CLEC20A: variants seen among roughly 807,000 people sequenced by gnomAD.
The protein encoded by CLEC20A is putative C-type lectin domain family 20 member A.
At chr1:178,482,079 AAACAAAAAAAC>A in intron 7 of CLEC20A, 1 of 360,552 alleles carries the variant, frequency 2.8e-6, no homozygotes, top group Non-Finnish European at 4.8e-6. Context: ...AAAAACAAAA[AAACAAAAAAAC>A]AACAAAAAAA....
chr1:178,498,576 C>T (rs1328609636), upstream of CLEC20A, among the ~76,000 whole-genome samples: 2 of 151,966 alleles, frequency 1.3e-5, no homozygotes, highest in East Asian at 1.9e-4. Context: ...GGAGACAGGG[C>T]GAGACCCTGT....
At chr1:178,494,918 C>T in intron 1 of CLEC20A, 108 bp from the exon 2 acceptor site, 1 of 398,240 alleles carries the variant, frequency 2.5e-6, no homozygotes, top group Non-Finnish European at 4.4e-6. Context: ...TTCCCGCCCA[C>T]TCTGCACTTC....
exon 8 of CLEC20A, chr1:178,479,558 T>G: frequency 1.5e-5 from 6 of 398,556 alleles, no homozygotes; most frequent in Middle Eastern, 1.3e-3. Context: ...ACTTCGAAGC[T>G]GACCCATTTC....
intron 1 of CLEC20A, among the ~76,000 whole-genome samples, chr1:178,495,585 G>A (rs953400076): frequency 1.3e-5 from 2 of 152,106 alleles, no homozygotes; most frequent in Admixed American, 6.5e-5. Flanking sequence ...TAGGAGCAAA[G>A]AACGAGCCTC....
upstream of CLEC20A, among the ~76,000 whole-genome samples, chr1:178,498,526 G>C (rs1284114643): frequency 6.6e-6 from 1 of 152,170 alleles, no homozygotes; most frequent in Non-Finnish European, 1.5e-5. Flanking sequence ...GGAGGTTAAG[G>C]CTGCAGTGAG....
At chr1:178,489,672 G>C (rs1206846062) in intron 4 of CLEC20A, among the ~76,000 whole-genome samples, 1 of 152,174 alleles carries the variant, frequency 6.6e-6, no homozygotes, top group African/African-American at 2.4e-5. Context: ...CATCCTATGA[G>C]ATGGGTGCCA....
At chr1:178,497,310 C>A (rs1287220139), upstream of CLEC20A, 3 of 230,350 alleles carry the variant, frequency 1.3e-5, no homozygotes, top group African/African-American at 6.7e-5. Flanking sequence ...GGAACTAGAA[C>A]CCCTTTTCGC....
At chr1:178,481,940 T>TATC (rs10651829) in intron 7 of CLEC20A, 10,099 of 170,426 alleles carry the variant, frequency 0.059, 1,046 homozygotes, top group African/African-American at 0.22. Flanking sequence ...GCATTATTAT[T>TATC]ATCATTCTTA....
intron 3 of CLEC20A, among the ~76,000 whole-genome samples, chr1:178,492,146 A>G (rs1042866950): frequency 3.3e-5 from 5 of 152,156 alleles, no homozygotes; most frequent in East Asian, 1.9e-4. Flanking sequence ...TTAGCTGGGC[A>G]TGGTGGCATG....
At chr1:178,497,718 C>G (rs1190003239), upstream of CLEC20A, among the ~76,000 whole-genome samples, 1 of 152,166 alleles carries the variant, frequency 6.6e-6, no homozygotes, top group Non-Finnish European at 1.5e-5. Flanking sequence ...TGCCTTTCCT[C>G]CAATTAATCT....
intron 5 of CLEC20A, chr1:178,486,515 TC>T (rs968542771): frequency 2.5e-6 from 1 of 398,664 alleles, no homozygotes; most frequent in African/African-American, 2.1e-5. Flanking sequence ...GGTGCAGTTG[TC>T]CTCTGGGTCA....
chr1:178,497,180 T>A, upstream of CLEC20A: 2 of 389,788 alleles, frequency 5.1e-6, no homozygotes, highest in Non-Finnish European at 9.0e-6. Flanking sequence ...GCGGAAGAGA[T>A]CCCTGTGTGG....
chr1:178,498,357 C>T (rs1261904892), upstream of CLEC20A, among the ~76,000 whole-genome samples: 2 of 152,004 alleles, frequency 1.3e-5, no homozygotes, highest in African/African-American at 2.4e-5. Flanking sequence ...TTTGAGAAAC[C>T]GAGGCAGGAG....
exon 4 of CLEC20A, chr1:178,490,074 T>C (rs1030226922): frequency 1.3e-5 from 5 of 398,626 alleles, no homozygotes; most frequent in African/African-American, 6.2e-5. Context: ...TCACTCACCA[T>C]AGAAGCAGAA....
At chr1:178,491,134 C>T (rs565144768) in intron 3 of CLEC20A, among the ~76,000 whole-genome samples, 2 of 152,334 alleles carry the variant, frequency 1.3e-5, no homozygotes, top group East Asian at 3.9e-4. Context: ...CTGCCAGTCC[C>T]TGCCTGAGGC....
chr1:178,485,058 T>A lies in CLEC20A; in HGVS notation c.929-1776A>T, dbSNP rs115830253. 3.2e-3 allele frequency among the ~76,000 whole-genome samples: 484 copies of A among 152,340 alleles called. 2 individuals carry two copies. Among genetic ancestry groups the A allele is most frequent in the African/African-American group, 0.011 (449 of 41,560 alleles). On this transcript the variant is annotated intron_variant, in intron 5 of 7. Transcript: ENST00000623247. ...ACAGAAGAGGAGGAAACATCTGTAT[T>A]TTCATCCCCTGAATATAGTCACTGT...
In CLEC20A at chr1:178,485,318, C is replaced by T. The variant is rs542820515; in HGVS notation, c.929-2036G>A. On this transcript the variant is annotated intron_variant, in intron 5 of 7. Coordinates refer to ENST00000623247, the Ensembl canonical transcript of CLEC20A. The stretch of plus-strand genomic sequence containing the variant: ...GCTCCATTGGCTGGGGGATCAAGTC[C>T]TTCAGATTTTGCCCCCAGTGTACCC... 2.6e-5 allele frequency among the ~76,000 whole-genome samples: 4 copies of T among 152,286 alleles called. No individual in the cohort carries two copies. The South Asian group carries it at 6.2e-4, about 24-fold the overall frequency.
intron 2 of CLEC20A, 55 bp from the exon 3 acceptor site, chr1:178,492,621 C>T (rs1649291572): frequency 2.5e-6 from 1 of 398,486 alleles, no homozygotes; most frequent in African/African-American, 2.1e-5. Flanking sequence ...CCTCTGCAGG[C>T]AGGAGCTGTC....
At chr1:178,499,237 G>A (rs1649471037), upstream of CLEC20A, among the ~76,000 whole-genome samples, 2 of 152,174 alleles carry the variant, frequency 1.3e-5, no homozygotes, top group South Asian at 2.1e-4. Context: ...CAAAGCACTC[G>A]CTTCTCACAA....
Sources: gnomAD v4.1 joint callset for allele counts (sites outside exome capture counted in the v4.1 genomes callset) on GRCh38, gnomAD v4.1.1 for gene constraint, MANE v1.5 for transcripts, NCBI Gene and HGNC (gene_info 2026-07-23, HGNC 2026-07-21) for gene names.